FAM72B: variants seen among roughly 807,000 people sequenced by gnomAD.
The protein encoded by FAM72B is RUMY family member 2.
FAM72B carries 4 observed loss-of-function variants against 12.6 expected under a neutral mutation model. The observed-to-expected ratio is 0.32, with a 90% CI of 0.16 to 0.73. The LOEUF (loss-of-function observed/expected upper bound fraction) is 0.73, where lower values mean the gene tolerates loss of function less well. Among genes scored for constraint, FAM72B ranks in the 30% least tolerant of loss-of-function variants. The probability of loss-of-function intolerance (pLI) is 0.67; values close to 1 mark genes in which losing one functional copy is unlikely to be tolerated. For synonymous variants in FAM72B, 13 were observed against 53.9 expected (o/e 0.24, Z 3.32); for missense variants, 61 against 158.4 (o/e 0.39, Z 3.30).
chr1:121,179,774 G>C (rs1362002506), intron 2 of FAM72B, among the ~76,000 whole-genome samples: 1 of 142,368 alleles, frequency 7.0e-6, no homozygotes, highest in Non-Finnish European at 1.5e-5. Context: ...GTTGCAGTAA[G>C]CTGAGATCGT....
intron 1 of FAM72B, among the ~76,000 whole-genome samples, chr1:121,182,497 ATAAT>A (rs1654356419): frequency 7.7e-6 from 1 of 129,078 alleles, no homozygotes; most frequent in Admixed American, 8.2e-5. Flanking sequence ...CATATTTTGG[ATAAT>A]TACTTTCCTT....
intron 3 of FAM72B, among the ~76,000 whole-genome samples, chr1:121,173,184 ATT>A (rs199877959): frequency 0.55 from 69,253 of 124,862 alleles, 17,114 homozygotes; most frequent in East Asian, 0.74. Context: ...TACTAAAATA[ATT>A]TTTTTTTTTT....
chr1:121,172,594 C>A (rs1266476963), intron 3 of FAM72B, among the ~76,000 whole-genome samples: 1 of 145,954 alleles, frequency 6.9e-6, no homozygotes, highest in Non-Finnish European at 1.5e-5. Context: ...AAAACCCCGT[C>A]CCTACTAAAA....
chr1:121,170,024 C>T (rs1272160882), intron 3 of FAM72B, among the ~76,000 whole-genome samples: 13 of 151,764 alleles, frequency 8.6e-5, no homozygotes, highest in East Asian at 5.8e-4. Flanking sequence ...AGGCTGGAGA[C>T]GAGTGGTGTA....
rs587735267 is a variant in FAM72B at position 121,172,972 on chromosome 1, G to T, written c.356-4137C>A. Reference sequence around the variant, plus strand: ...GTATGCCTGTAATCTCGCTACTCGGGAGGCTGAGGCACGAGAATCGCTTGA... The same window carrying T: ...GTATGCCTGTAATCTCGCTACTCGGTAGGCTGAGGCACGAGAATCGCTTGA... On this transcript the variant is annotated intron_variant, in intron 3 of 3. Transcript: ENST00000369390. Among the ~76,000 whole-genome samples the T allele has an allele frequency of 9.1e-3, 1,146 of 125,278 alleles. 18 individuals are homozygous for T. Among genetic ancestry groups the T allele is most frequent in the African/African-American group, 0.035 (1,085 of 31,426 alleles). The allele number at this position is 125,278 out of a possible 152,430, so 82.2% of individuals were successfully genotyped here. A position where few individuals can be genotyped will look rare whatever the true frequency, so the allele number is the denominator to read the frequency against.
At chr1:121,180,905 G>A (rs1654319548) in intron 2 of FAM72B, among the ~76,000 whole-genome samples, 1 of 152,120 alleles carries the variant, frequency 6.6e-6, no homozygotes. Context: ...AGAAAACAGA[G>A]GTTCAGCAGT....
intron 1 of FAM72B, 117 bp from the exon 2 acceptor site, chr1:121,181,465 G>A: frequency 1.5e-6 from 1 of 674,140 alleles, no homozygotes; most frequent in Non-Finnish European, 2.6e-6. Context: ...GAGCAGATGT[G>A]TTAAATATAA....
chr1:121,174,417 G>T (rs1282274615), intron 3 of FAM72B, among the ~76,000 whole-genome samples: 3 of 145,262 alleles, frequency 2.1e-5, no homozygotes, highest in East Asian at 4.0e-4. Context: ...GCCCAGGCTG[G>T]AGTGCAATGG....
At chr1:121,170,001 C>T (rs1654060017) in intron 3 of FAM72B, among the ~76,000 whole-genome samples, 1 of 151,892 alleles carries the variant, frequency 6.6e-6, no homozygotes, top group Non-Finnish European at 1.5e-5. Flanking sequence ...GTCGGAGTCT[C>T]GCTCTATTGC....
intron 3 of FAM72B, among the ~76,000 whole-genome samples, chr1:121,170,659 G>A (rs1333948449): frequency 5.7e-5 from 4 of 70,288 alleles, no homozygotes; most frequent in Admixed American, 1.4e-4. Flanking sequence ...TAAAAATGTT[G>A]CAAATACAGC....
At chr1:121,169,892 T>C (rs1436723090) in intron 3 of FAM72B, among the ~76,000 whole-genome samples, 1 of 152,196 alleles carries the variant, frequency 6.6e-6, no homozygotes, top group Non-Finnish European at 1.5e-5. Context: ...TGGGCATATA[T>C]TACATTATTA....
At chr1:121,171,954 A>G (rs1169675828) in intron 3 of FAM72B, among the ~76,000 whole-genome samples, 5 of 127,758 alleles carry the variant, frequency 3.9e-5, no homozygotes, top group Non-Finnish European at 3.3e-5. Context: ...CAAATCATAT[A>G]TTTAAAAAAT....
chr1:121,168,880 A>G (rs782595619), intron 3 of FAM72B, 45 bp from the exon 4 acceptor site: 1 of 1,560,060 alleles, frequency 6.4e-7, no homozygotes, highest in South Asian at 1.2e-5. Context: ...TACTACTGTT[A>G]TAACTCAGAA....
At chr1:121,174,487 C>T (rs1654166408) in intron 3 of FAM72B, among the ~76,000 whole-genome samples, 1 of 143,726 alleles carries the variant, frequency 7.0e-6, no homozygotes, top group Admixed American at 6.9e-5. Context: ...CCTGCCTTAG[C>T]CTCCCAAGTA....
At position 121,183,562 on chromosome 1, in the gene FAM72B, C is replaced by G; in HGVS notation, c.-73G>C. ...AGTAATGCTCCTACTATTTTGATTC[C>G]CCTAGGCTAAAATTCAAGTTGCGGG... On this transcript the variant is annotated 5_prime_UTR_variant, in exon 1 of 4. Coordinates refer to ENST00000369390, the MANE Select transcript of FAM72B (RefSeq NM_001100910.2). The G allele has an allele frequency of 6.2e-7, 1 of 1,609,282 alleles. No homozygotes were observed. The highest frequency in any genetic ancestry group is 8.5e-7 in the Non-Finnish European group (1 of 1,178,524).
At chr1:121,173,118 C>T (rs1380952638) in intron 3 of FAM72B, among the ~76,000 whole-genome samples, 4 of 150,150 alleles carry the variant, frequency 2.7e-5, no homozygotes, top group Admixed American at 2.0e-4. Context: ...TGCCTCAGCA[C>T]CTTAACACAA....
In FAM72B at chr1:121,168,567, A is replaced by G; in HGVS notation, c.*174T>C. 8.2e-6 allele frequency: 6 copies of G among 730,274 alleles called. No individual in the cohort carries two copies. The highest frequency in any genetic ancestry group is 1.2e-5 in the Non-Finnish European group (6 of 484,048). The allele number at this position is 730,274 out of a possible 1,614,324, so 45.2% of individuals were successfully genotyped here. A position where few individuals can be genotyped will look rare whatever the true frequency, so the allele number is the denominator to read the frequency against. ...AGAAGTAGAGGAAAAGCACAACTCC[A>G]CTGGCTTCAATCAAACTGAGGTAAC... On this transcript the variant is annotated 3_prime_UTR_variant, in exon 4 of 4. Coordinates refer to ENST00000369390, the MANE Select transcript of FAM72B (RefSeq NM_001100910.2).
intron 1 of FAM72B, among the ~76,000 whole-genome samples, chr1:121,182,205 T>C (rs1403666155): frequency 1.1e-4 from 16 of 150,632 alleles, no homozygotes; most frequent in African/African-American, 2.7e-4. Context: ...CACACACAAA[T>C]GTAAAATATT....
chr1:121,170,030 G>A (rs1553315984), intron 3 of FAM72B, among the ~76,000 whole-genome samples: 1 of 152,118 alleles, frequency 6.6e-6, no homozygotes. Context: ...GAGACGAGTG[G>A]TGTAATCTTG....
Sources: gnomAD v4.1 joint callset for allele counts (sites outside exome capture counted in the v4.1 genomes callset) on GRCh38, gnomAD v4.1.1 for gene constraint, MANE v1.5 for transcripts, NCBI Gene and HGNC (gene_info 2026-07-23, HGNC 2026-07-21) for gene names.